Variants in ASPHD2 observed in about 807,000 individuals in gnomAD.
ASPHD2 encodes aspartate beta-hydroxylase domain containing 2, also known as aspartate beta-hydroxylase domain-containing protein 2.
Under a neutral mutation model 34.6 loss-of-function variants are expected in ASPHD2, and 12 were observed. The ratio of observed to expected loss-of-function variants is 0.35; its 90% CI spans 0.22 to 0.56. The LOEUF is 0.56. Ranked by LOEUF, ASPHD2 falls within the 20% of genes least tolerant of loss-of-function variation. ASPHD2 has a pLI of 0.87. For missense variants in ASPHD2, 375 were observed against 505.0 expected (o/e 0.74, Z 2.47); for synonymous variants, 224 against 212.2 (o/e 1.06, Z -0.48).
intron 1 of ASPHD2, among the ~76,000 whole-genome samples, chr22:26,430,318 C>T (rs964428690): frequency 5.3e-5 from 8 of 152,334 alleles, no homozygotes; most frequent in Admixed American, 3.3e-4. Context: ...CCGGCTCTCC[C>T]AGGTGTTCAT....
chr22:26,439,938 C>T (rs1433908067), intron 2 of ASPHD2, among the ~76,000 whole-genome samples: 1 of 152,228 alleles, frequency 6.6e-6, no homozygotes, highest in Non-Finnish European at 1.5e-5. Flanking sequence ...ACTCTGGCTG[C>T]TGGAAGGAAA....
intron 1 of ASPHD2, among the ~76,000 whole-genome samples, chr22:26,430,764 G>C (rs74853370): frequency 9.8e-4 from 150 of 152,346 alleles, no homozygotes; most frequent in Middle Eastern, 6.8e-3. Context: ...GTGACTGACA[G>C]GTATGAAAAG....
chr22:26,438,023 C>T (rs76056624), intron 2 of ASPHD2, among the ~76,000 whole-genome samples: 2,985 of 152,108 alleles, frequency 0.02, 95 homozygotes, highest in African/African-American at 0.067. Context: ...GAAGGGGAGG[C>T]GGAGAACAAG....
chr22:26,440,475 G>T (rs2084829064), intron 2 of ASPHD2, among the ~76,000 whole-genome samples: 1 of 152,038 alleles, frequency 6.6e-6, no homozygotes, highest in Non-Finnish European at 1.5e-5. Context: ...GGGATTACAG[G>T]CGTCTGCCAC....
At chr22:26,430,463 C>T (rs1276420571) in intron 1 of ASPHD2, among the ~76,000 whole-genome samples, 1 of 152,186 alleles carries the variant, frequency 6.6e-6, no homozygotes, top group East Asian at 1.9e-4. Context: ...GAGATGTCCC[C>T]ATCCCTGATG....
At chr22:26,436,589 G>A (rs1021074419) in intron 2 of ASPHD2, among the ~76,000 whole-genome samples, 6 of 152,216 alleles carry the variant, frequency 3.9e-5, no homozygotes, top group African/African-American at 9.6e-5. Context: ...TCAGGTGGGA[G>A]CAAACCTCAG....
At position 26,443,339 on chromosome 22, in the gene ASPHD2, T is replaced by C; in HGVS notation, c.*133T>C. On this transcript the variant is annotated 3_prime_UTR_variant, in exon 4 of 4. Transcript: ENST00000215906. ...TCAGCGGAAAGCTCTTATTTGGGAT[T>C]TTATATCATGTCGGGTCCCTCTTTC... 1 of 709,080 alleles carries C rather than the reference T, an allele frequency of 1.4e-6. No individual in the cohort carries two copies. The highest frequency in any genetic ancestry group is 2.6e-5 in the Admixed American group (1 of 38,188). The allele number at this position is 709,080 out of a possible 1,614,324, so 43.9% of individuals were successfully genotyped here.
intron 2 of ASPHD2, among the ~76,000 whole-genome samples, chr22:26,441,428 T>C (rs2084837348): frequency 1.4e-5 from 2 of 143,508 alleles, no homozygotes; most frequent in South Asian, 2.2e-4. Context: ...CAGTGAACTA[T>C]GGTGGAGCCA....
At position 26,443,443 on chromosome 22, in the gene ASPHD2, GA is replaced by G. The variant is rs570369856; in HGVS notation, c.*238del. The G allele has an allele frequency of 3.8e-3, 1,790 of 469,554 alleles. 14 individuals are homozygous for G. The highest frequency in any genetic ancestry group is 5.5e-3 in the Non-Finnish European group (1,445 of 260,370). 29.1% of individuals were successfully genotyped at this position (469,554 alleles called of 1,614,324 possible). On this transcript the variant is annotated 3_prime_UTR_variant, in exon 4 of 4. Transcript: ENST00000215906. ...TTTTTCCTTCCAATCATTTGCTTCA[GA>G]GACTCCTTTCTGGCCTAACAGCGCA...
chr22:26,429,814 T>C lies in ASPHD2; in HGVS notation c.-225+328T>C, dbSNP rs1292926973. On this transcript the variant is annotated intron_variant, in intron 1 of 3. Transcript: ENST00000215906. This position sits in a 1 kb window ranked among gnomAD's most constrained non-coding sequence, Gnocchi z 4.5. ...CCCCTGTGACCCCTCTTTCCTCACC[T>C]CCTGTCCCCTCCCCCAGCCCTCAGC... is the stretch of plus-strand genomic sequence containing the variant. Among the ~76,000 whole-genome samples, 2 of 151,774 alleles carry C rather than the reference T, an allele frequency of 1.3e-5. No individual in the cohort carries two copies. Among genetic ancestry groups the C allele is most frequent in the African/African-American group, 4.8e-5 (2 of 41,320 alleles).
rs754339838 is a variant in ASPHD2, at chr22:26,434,360, C to T, written c.745C>T (p.Arg249Trp). The T allele has an allele frequency of 7.4e-6, 12 of 1,614,086 alleles. No individual in the cohort carries two copies. The highest frequency in any genetic ancestry group is 5.0e-5 in the Admixed American group (3 of 60,002). Residue 249 changes from arginine (R) to tryptophan (W), a missense_variant, in exon 2 of 4, where the codon CGG (arginine) becomes TGG (tryptophan). Transcript: ENST00000215906. ...TCCCAGGAACTGTAGGAAGTGCCCA[C>T]GGACGTACCGCTTGCTCGGAAGCCT... ...CVPRNCRKCP[R>W]TYRLLGSLRT...
rs1426310347 is a variant in ASPHD2, at chr22:26,443,822, G to C, written c.*616G>C. ...CACAGTGTCCAGGCCCAGGGATACT[G>C]TCACCATCGCTCACCTCATTCTAAA... On this transcript the variant is annotated 3_prime_UTR_variant, in exon 4 of 4. Transcript: ENST00000215906. 1 of 152,208 alleles carries C rather than the reference G, an allele frequency of 6.6e-6. No homozygotes were observed. Among genetic ancestry groups the C allele is most frequent in the African/African-American group, 2.4e-5 (1 of 41,424 alleles). 9.4% of individuals were successfully genotyped at this position (152,208 alleles called of 1,614,324 possible).
intron 2 of ASPHD2, among the ~76,000 whole-genome samples, chr22:26,436,105 C>A (rs2084790787): frequency 6.6e-6 from 1 of 152,198 alleles, no homozygotes; most frequent in Non-Finnish European, 1.5e-5. Context: ...TAGACCCTGC[C>A]CCCAGGAAAC....
chr22:26,443,588 TATA>T lies in ASPHD2; in HGVS notation c.*388_*390del, dbSNP rs1242723550. 6.7e-6 allele frequency: 1 copy of T among 149,108 alleles called. No individual in the cohort carries two copies. The highest frequency in any genetic ancestry group is 1.5e-5 in the Non-Finnish European group (1 of 68,130). The allele number at this position is 149,108 out of a possible 1,614,324, so 9.2% of individuals were successfully genotyped here. On this transcript the variant is annotated 3_prime_UTR_variant, in exon 4 of 4. Transcript: ENST00000215906. Reference sequence around the variant, plus strand: ...GTAACTAAATGGTTATTTGTCTGAATATAATAATGTAAAACTTCTTGTGGTCAT... The same window carrying T: ...GTAACTAAATGGTTATTTGTCTGAATATAATGTAAAACTTCTTGTGGTCAT...
intron 2 of ASPHD2, among the ~76,000 whole-genome samples, chr22:26,438,596 CACACATATATACAT>C (rs1568984058): frequency 5.6e-5 from 6 of 106,666 alleles, no homozygotes; most frequent in Non-Finnish European, 8.2e-5. Flanking sequence ...CATATATATA[CACACATATATACAT>C]ATATATATAC....
Position 26,434,082 on chromosome 22 carries a change from T to G in ASPHD2, c.467T>G (p.Leu156Arg), listed in dbSNP as rs776033454. The change falls in exon 2 of 4, where the codon CTC (leucine) becomes CGC (arginine). Residue 156 changes from leucine to arginine, a missense_variant. This residue lies in a region of ASPHD2 where 223 missense variants were observed against 257.8 expected (regional missense o/e 0.87). Coordinates refer to ENST00000215906, the MANE Select transcript of ASPHD2 (RefSeq NM_020437.5). Reference sequence around the variant, plus strand: ...GGCATCCGCGAGCAGGGCCGGTACCTCAACAGCCGGCCCTCCATCCAGAAG... The same window carrying G: ...GGCATCCGCGAGCAGGGCCGGTACCGCAACAGCCGGCCCTCCATCCAGAAG... ...HKGIREQGRY[L>R]NSRPSIQKPE... 4.3e-6 allele frequency: 7 copies of G among 1,613,194 alleles called. 1 individual carries two copies. Among genetic ancestry groups the G allele is most frequent in the Non-Finnish European group, 5.1e-6 (6 of 1,179,820 alleles).
intron 2 of ASPHD2, among the ~76,000 whole-genome samples, chr22:26,441,815 C>T (rs1227523067): frequency 4.0e-5 from 6 of 151,862 alleles, no homozygotes; most frequent in Non-Finnish European, 5.9e-5. Context: ...CCCAGCTACT[C>T]GGGAGGCTGA....
At chr22:26,435,460 C>T (rs2084785239) in intron 2 of ASPHD2, among the ~76,000 whole-genome samples, 1 of 152,174 alleles carries the variant, frequency 6.6e-6, no homozygotes, top group Non-Finnish European at 1.5e-5. Flanking sequence ...TGGCAGCGTC[C>T]AGCTTTACAA....
chr22:26,436,768 G>T (rs1468021760), intron 2 of ASPHD2, among the ~76,000 whole-genome samples: 1 of 152,206 alleles, frequency 6.6e-6, no homozygotes, highest in Non-Finnish European at 1.5e-5. Flanking sequence ...AGTAGGAAGT[G>T]ATGGTAGCAA....
Sources: allele counts gnomAD v4.1 joint callset (sites outside exome capture counted in the v4.1 genomes callset), GRCh38; gene constraint gnomAD v4.1.1; regional missense constraint gnomAD v4.1.1; non-coding constraint Gnocchi (gnomAD v3.1); transcripts MANE v1.5; gene names NCBI Gene and HGNC (gene_info 2026-07-23, HGNC 2026-07-21).